UNC13C: variants seen among roughly 807,000 people sequenced by gnomAD.
UNC13C encodes the protein unc-13 homolog C.
A neutral mutation model predicts 245.4 loss-of-function variants in UNC13C; 174 were observed. That is an observed-to-expected ratio of 0.71 (90% CI 0.63 to 0.80). The LOEUF (loss-of-function observed/expected upper bound fraction) is 0.80. UNC13C is among the 30% of genes least tolerant of loss of function. The probability of loss-of-function intolerance (pLI) is 0.00; values close to 1 mark genes in which losing one functional copy is unlikely to be tolerated. For synonymous variants in UNC13C, 992 were observed against 895.1 expected, an observed-to-expected ratio of 1.11 and a Z score of -1.93; for missense variants, 2,829 against 2,602.9, an observed-to-expected ratio of 1.09 and a Z score of -1.89.
chr15:54,258,157 G>A (rs2036327298), intron 8 of UNC13C, among the ~76,000 whole-genome samples: 1 of 132,608 alleles, frequency 7.5e-6, no homozygotes, highest in South Asian at 2.4e-4. Context: ...AAGGCTTTAT[G>A]GATGTCAAAA....
chr15:54,309,690 G>A (rs2037818175), intron 13 of UNC13C, among the ~76,000 whole-genome samples: 1 of 151,766 alleles, frequency 6.6e-6, no homozygotes, highest in South Asian at 2.1e-4. Flanking sequence ...TATGGTGTGG[G>A]ATAAGGGTGG....
chr15:54,089,955 G>C (rs980544475), intron 2 of UNC13C, among the ~76,000 whole-genome samples: 1 of 152,212 alleles, frequency 6.6e-6, no homozygotes, highest in Non-Finnish European at 1.5e-5. Flanking sequence ...CTGTATGAGA[G>C]AGAATGCAGA....
At chr15:54,272,563 A>G (rs549503155) in intron 10 of UNC13C, among the ~76,000 whole-genome samples, 4 of 152,308 alleles carry the variant, frequency 2.6e-5, no homozygotes, top group African/African-American at 7.2e-5. Context: ...ATGGTTCCAC[A>G]GTTTCTAAAG....
chr15:54,408,009 G>T (rs992562296), intron 18 of UNC13C, among the ~76,000 whole-genome samples: 17 of 151,694 alleles, frequency 1.1e-4, no homozygotes, highest in Non-Finnish European at 1.8e-4. Flanking sequence ...AGACCATCCT[G>T]GTGAACACGG....
chr15:54,026,456 A>G (rs1023586805), intron 2 of UNC13C, among the ~76,000 whole-genome samples: 4 of 152,276 alleles, frequency 2.6e-5, no homozygotes, highest in Middle Eastern at 3.4e-3. Flanking sequence ...TGTAATACAA[A>G]CTTTGGGACT....
chr15:54,048,519 T>G, intron 2 of UNC13C: 1 of 563,470 alleles, frequency 1.8e-6, no homozygotes. Flanking sequence ...AACCTTAGTA[T>G]GTGGGCCATT....
chr15:54,269,815 G>T (rs1268361942), intron 10 of UNC13C, among the ~76,000 whole-genome samples: 1 of 152,064 alleles, frequency 6.6e-6, no homozygotes, highest in Non-Finnish European at 1.5e-5. Context: ...TTGATAGGAG[G>T]CTCTATCTGT....
rs183694236 is a variant in UNC13C, at chr15:54,044,892, G to A, written c.2983+29006G>A. On this transcript the variant is annotated intron_variant, in intron 2 of 32. Coordinates refer to ENST00000260323, the MANE Select transcript of UNC13C (RefSeq NM_001080534.3). Reference sequence around the variant, plus strand: ...CTTCTTTGGAGCAAAATATATATTCGAATTATTTGCCCAGTTTTTAGTTTG... The same window carrying A: ...CTTCTTTGGAGCAAAATATATATTCAAATTATTTGCCCAGTTTTTAGTTTG... Among the ~76,000 whole-genome samples, 60 of 151,930 alleles carry A rather than the reference G, an allele frequency of 3.9e-4. No homozygotes were observed. The East Asian group carries it at 9.9e-3, about 25-fold the overall frequency.
intron 30 of UNC13C, among the ~76,000 whole-genome samples, chr15:54,576,618 A>G (rs1051513731): frequency 6.6e-6 from 1 of 152,098 alleles, no homozygotes; most frequent in Non-Finnish European, 1.5e-5. Context: ...AAGAAAATAC[A>G]TCCTGCTTCC....
chr15:54,232,126 A>G (rs757490758), intron 4 of UNC13C, among the ~76,000 whole-genome samples: 2 of 152,088 alleles, frequency 1.3e-5, no homozygotes, highest in Non-Finnish European at 2.9e-5. Context: ...ATTTTATATT[A>G]TTACTTGATG....
downstream of UNC13C, chr15:54,633,256 T>C (rs967690033): frequency 6.6e-6 from 1 of 152,232 alleles, no homozygotes; most frequent in Non-Finnish European, 1.5e-5. Flanking sequence ...TTAACAATAT[T>C]GAATCTTCAA....
chr15:54,519,853 C>G (rs1044632867), intron 24 of UNC13C, among the ~76,000 whole-genome samples: 3 of 152,096 alleles, frequency 2.0e-5, no homozygotes, highest in African/African-American at 7.2e-5. Flanking sequence ...TACCCTACTT[C>G]TAGATTCACT....
intron 19 of UNC13C, among the ~76,000 whole-genome samples, chr15:54,415,440 A>C (rs1260336266): frequency 6.6e-6 from 1 of 152,196 alleles, no homozygotes; most frequent in East Asian, 1.9e-4. Context: ...ATCCACCAGG[A>C]GGCGGGTCAA....
intron 17 of UNC13C, among the ~76,000 whole-genome samples, chr15:54,373,759 G>A (rs1459139751): frequency 6.6e-6 from 1 of 152,168 alleles, no homozygotes; most frequent in Non-Finnish European, 1.5e-5. Context: ...GTGAGCAAGG[G>A]GCATGTTTCT....
At chr15:54,112,958 G>A (rs2029921889) in intron 2 of UNC13C, among the ~76,000 whole-genome samples, 1 of 152,166 alleles carries the variant, frequency 6.6e-6, no homozygotes, top group South Asian at 2.1e-4. Context: ...GTAATAGTAG[G>A]TGAAACCAGA....
At chr15:54,047,985 A>G (rs923453300) in intron 2 of UNC13C, among the ~76,000 whole-genome samples, 4 of 152,188 alleles carry the variant, frequency 2.6e-5, no homozygotes, top group Admixed American at 1.3e-4. Context: ...TTGGTTTAGA[A>G]AAATATAAAA....
chr15:53,879,109 G>A, the UNC13C span, among the ~76,000 whole-genome samples: 52,784 of 151,866 alleles, frequency 0.35, 9,412 homozygotes, highest in Admixed American at 0.4. Context: ...TTTTAGCAAA[G>A]AAAATAGTCC....
chr15:54,246,378 C>T (rs2035991712), intron 7 of UNC13C, among the ~76,000 whole-genome samples: 1 of 146,220 alleles, frequency 6.8e-6, no homozygotes, highest in Admixed American at 6.9e-5. Context: ...AAATTGCCTT[C>T]TTTTTTGGAA....
intron 11 of UNC13C, among the ~76,000 whole-genome samples, chr15:54,295,607 T>G (rs1452806193): frequency 2.0e-5 from 3 of 151,232 alleles, no homozygotes; most frequent in African/African-American, 4.9e-5. Context: ...ACTAAAAGAT[T>G]ATGCCACTGC....
Sources: allele counts gnomAD v4.1 joint callset (sites outside exome capture counted in the v4.1 genomes callset), GRCh38; gene constraint gnomAD v4.1.1; transcripts MANE v1.5; gene names NCBI Gene and HGNC (gene_info 2026-07-23, HGNC 2026-07-21).